SHANK2: variants seen among roughly 807,000 people sequenced by gnomAD.
The protein encoded by SHANK2 is SH3 and multiple ankyrin repeat domains protein 2.
SHANK2 carries 43 observed loss-of-function variants against 133.7 expected under a neutral mutation model. That is an observed-to-expected ratio of 0.32 (90% CI 0.25 to 0.41). SHANK2 has a LOEUF of 0.41. Ranked by LOEUF, SHANK2 falls within the 10% of genes least tolerant of loss-of-function variation. The pLI is 1.00. For synonymous variants in SHANK2, 1,017 were observed against 952.8 expected, an observed-to-expected ratio of 1.07 and a Z score of -1.24; for missense variants, 1,994 against 2,235.8, an observed-to-expected ratio of 0.89 and a Z score of 2.18.
At chr11:70,916,046 A>G (rs1182405268) in intron 10 of SHANK2, among the ~76,000 whole-genome samples, 1 of 152,172 alleles carries the variant, frequency 6.6e-6, no homozygotes, top group Non-Finnish European at 1.5e-5. Context: ...GGAGCCAGAC[A>G]TGTCTAGGGA....
chr11:71,222,812 G>A lies in SHANK2; in HGVS notation c.-13+1885C>T, dbSNP rs918791739. The stretch of plus-strand genomic sequence containing the variant: ...ACCACCTTCTCCAGCAGGGTCACAC[G>A]TTCTCATATGCATCCTTGTGACACC... On this transcript the variant is annotated intron_variant, in intron 2 of 25. Transcript: ENST00000601538. Among the ~76,000 whole-genome samples the A allele has an allele frequency of 2.0e-5, 3 of 152,234 alleles. No homozygotes were observed. In the East Asian group the frequency reaches 5.8e-4, roughly 29 times the overall value.
chr11:70,886,858 A>C (rs1555073627), intron 11 of SHANK2, among the ~76,000 whole-genome samples: 1 of 152,080 alleles, frequency 6.6e-6, no homozygotes, highest in Non-Finnish European at 1.5e-5. Context: ...TTCGTCGGCT[A>C]ATCAGGCACC....
rs782349957 is a variant in SHANK2, at chr11:70,820,534, C to A, written c.1323G>T (p.Ser441=). 15 of 716,924 alleles carry A rather than the reference C, an allele frequency of 2.1e-5. No homozygotes were observed. The highest frequency in any genetic ancestry group is 3.9e-5 in the Non-Finnish European group (15 of 384,788). The allele number at this position is 716,924 out of a possible 1,614,324, so 44.4% of individuals were successfully genotyped here. The change falls in exon 12 of 26, where the codon TCG becomes TCT. Residue 441 remains serine, a synonymous_variant. Coordinates refer to ENST00000601538, the MANE Select transcript of SHANK2 (RefSeq NM_012309.5). ...PDWAVCSTAT[S]HRSLSPQLLQ... The stretch of plus-strand genomic sequence containing the variant: ...GCAGCTGGGGTGACAGGCTGCGGTG[C>A]GAGGTGGCCGTGGAGCAGACGGCCC...
chr11:70,660,629 G>A (rs782039635), intron 16 of SHANK2, among the ~76,000 whole-genome samples: 20 of 152,216 alleles, frequency 1.3e-4, no homozygotes, highest in Admixed American at 3.3e-4. Context: ...GACTTTTCTA[G>A]GGAGGCATGA....
intron 11 of SHANK2, among the ~76,000 whole-genome samples, chr11:70,833,451 A>C (rs1278962105): frequency 6.6e-6 from 1 of 152,226 alleles, no homozygotes; most frequent in Non-Finnish European, 1.5e-5. Flanking sequence ...CTCGGGCAAG[A>C]GAGCTGGGCA....
At chr11:71,079,795 AAGAG>A (rs1460170674) in intron 8 of SHANK2, among the ~76,000 whole-genome samples, 1 of 140,700 alleles carries the variant, frequency 7.1e-6, no homozygotes, top group Non-Finnish European at 1.5e-5. Flanking sequence ...AAAGAGAGAG[AAGAG>A]AGAGAGAGAA....
chr11:70,661,983 G>A, intron 15 of SHANK2: 1 of 632,816 alleles, frequency 1.6e-6, no homozygotes, highest in Non-Finnish European at 2.8e-6. Context: ...TGAGCTGGAG[G>A]CTCAAGGGGG....
intron 17 of SHANK2, among the ~76,000 whole-genome samples, chr11:70,623,546 TGGAA>T (rs1267977500): frequency 1.3e-5 from 2 of 152,206 alleles, no homozygotes; most frequent in African/African-American, 2.4e-5. Flanking sequence ...GTGGACTGGC[TGGAA>T]GGAAGGAAGG....
intron 10 of SHANK2, among the ~76,000 whole-genome samples, chr11:70,930,959 G>A (rs1433869390): frequency 3.3e-5 from 5 of 151,682 alleles, no homozygotes; most frequent in African/African-American, 1.2e-4. Context: ...GAGTTACCAT[G>A]CCCACCCACA....
At chr11:70,787,703 T>A (rs1346843135) in intron 14 of SHANK2, among the ~76,000 whole-genome samples, 1 of 151,552 alleles carries the variant, frequency 6.6e-6, no homozygotes, top group Non-Finnish European at 1.5e-5. Flanking sequence ...CTACTTATCA[T>A]CATTACCACC....
intron 14 of SHANK2, among the ~76,000 whole-genome samples, chr11:70,788,924 A>G (rs1165809111): frequency 6.6e-6 from 1 of 152,196 alleles, no homozygotes; most frequent in Non-Finnish European, 1.5e-5. Context: ...TGTCGGGTCC[A>G]CACGATCTGA....
intron 14 of SHANK2, among the ~76,000 whole-genome samples, chr11:70,785,422 C>T (rs1947627363): frequency 6.6e-6 from 1 of 152,198 alleles, no homozygotes; most frequent in Non-Finnish European, 1.5e-5. Flanking sequence ...TGGCCCATCC[C>T]CTTACCTAAC....
At chr11:70,780,145 A>T (rs781990896) in intron 14 of SHANK2, among the ~76,000 whole-genome samples, 1 of 152,222 alleles carries the variant, frequency 6.6e-6, no homozygotes, top group Non-Finnish European at 1.5e-5. Flanking sequence ...GCTGGATCCA[A>T]CTATGCCTGA....
At chr11:70,936,596 T>TG (rs1950574290) in intron 10 of SHANK2, among the ~76,000 whole-genome samples, 1 of 152,242 alleles carries the variant, frequency 6.6e-6, no homozygotes, top group Non-Finnish European at 1.5e-5. Context: ...TGTGTTTGTG[T>TG]GTTTGTCTTT....
At chr11:70,509,674 G>T (rs1223394038) in intron 17 of SHANK2, among the ~76,000 whole-genome samples, 4 of 152,202 alleles carry the variant, frequency 2.6e-5, no homozygotes, top group Non-Finnish European at 5.9e-5. Flanking sequence ...CAGTCTATGT[G>T]TTGAAACCCT....
chr11:70,518,661 G>A (rs2059294884), intron 17 of SHANK2, among the ~76,000 whole-genome samples: 1 of 152,202 alleles, frequency 6.6e-6, no homozygotes, highest in South Asian at 2.1e-4. Flanking sequence ...ATTGCATCCA[G>A]GAGCCCTTTG....
intron 2 of SHANK2, among the ~76,000 whole-genome samples, chr11:71,170,698 C>G (rs1953296517): frequency 6.6e-6 from 1 of 152,204 alleles, no homozygotes; most frequent in Non-Finnish European, 1.5e-5. Flanking sequence ...GTTGCCTGTT[C>G]CCGACCTCCA....
At chr11:70,577,169 A>G (rs2060126545) in intron 17 of SHANK2, among the ~76,000 whole-genome samples, 1 of 152,204 alleles carries the variant, frequency 6.6e-6, no homozygotes, top group Non-Finnish European at 1.5e-5. Flanking sequence ...AGACAGCCCC[A>G]GGAGGACTCG....
intron 25 of SHANK2, among the ~76,000 whole-genome samples, chr11:70,476,347 T>C (rs562222196): frequency 4.2e-4 from 64 of 152,224 alleles, no homozygotes; most frequent in African/African-American, 1.4e-3. Context: ...GTTTATACTC[T>C]CAAGAGAGAG....
Sources: allele counts gnomAD v4.1 joint callset (sites outside exome capture counted in the v4.1 genomes callset), GRCh38; gene constraint gnomAD v4.1.1; transcripts MANE v1.5; gene names NCBI Gene and HGNC (gene_info 2026-07-23, HGNC 2026-07-21).